CYYR1: variants seen among roughly 807,000 people sequenced by gnomAD.
CYYR1 encodes the protein cysteine and tyrosine-rich protein 1.
In CYYR1, 14 loss-of-function variants were observed where a neutral mutation model predicts 15.2. That is an observed-to-expected ratio of 0.92 (90% CI 0.61 to 1.44). The LOEUF (loss-of-function observed/expected upper bound fraction) is 1.44. CYYR1 is among the 40% of genes most tolerant of loss of function. The pLI, the probability that CYYR1 is intolerant of heterozygous loss-of-function variation, is 0.00. For synonymous variants in CYYR1, 80 were observed against 77.4 expected, an observed-to-expected ratio of 1.03 and a Z score of -0.18; for missense variants, 228 against 209.5, an observed-to-expected ratio of 1.09 and a Z score of -0.54.
At chr21:26,501,629 T>C (rs919619620) in intron 2 of CYYR1, among the ~76,000 whole-genome samples, 17 of 152,172 alleles carry the variant, frequency 1.1e-4, no homozygotes, top group African/African-American at 3.4e-4. Context: ...GACCTTCTTT[T>C]CCCCCTTGGT....
chr21:26,482,077 T>C (rs1255334875), intron 2 of CYYR1, among the ~76,000 whole-genome samples: 10 of 152,082 alleles, frequency 6.6e-5, no homozygotes, highest in Admixed American at 3.9e-4. Context: ...CATTATTTTA[T>C]ATTTTTTGTT....
chr21:26,543,798 C>G (rs1017885641), intron 2 of CYYR1, among the ~76,000 whole-genome samples: 13 of 152,006 alleles, frequency 8.6e-5, no homozygotes, highest in Non-Finnish European at 1.6e-4. Context: ...CCCAGCTACT[C>G]AGGAGGCTGA....
At chr21:26,536,632 GA>G (rs1340782534) in intron 2 of CYYR1, among the ~76,000 whole-genome samples, 11 of 149,394 alleles carry the variant, frequency 7.4e-5, no homozygotes, top group Non-Finnish European at 1.4e-4. Flanking sequence ...TACTTAGGTA[GA>G]AAGAAAATGA....
chr21:26,553,688 T>C (rs1601824781), intron 2 of CYYR1, among the ~76,000 whole-genome samples: 1 of 152,144 alleles, frequency 6.6e-6, no homozygotes, highest in Non-Finnish European at 1.5e-5. Context: ...AGCTGCTTCG[T>C]GCATTCTGTC....
At chr21:26,494,819 TA>T (rs5843238) in intron 2 of CYYR1, among the ~76,000 whole-genome samples, 120,232 of 152,110 alleles carry the variant, frequency 0.79, 48,608 homozygotes, top group Non-Finnish European at 0.88. Context: ...TTTGAATGTT[TA>T]AACTGTATTC....
chr21:26,546,656 T>C (rs1041827976), intron 2 of CYYR1, among the ~76,000 whole-genome samples: 2 of 152,222 alleles, frequency 1.3e-5, no homozygotes, highest in African/African-American at 4.8e-5. Context: ...AAAGAGGTCA[T>C]AGTCTTGAAA....
chr21:26,541,026 C>T (rs1978514652), intron 2 of CYYR1, among the ~76,000 whole-genome samples: 1 of 152,036 alleles, frequency 6.6e-6, no homozygotes, highest in Admixed American at 6.5e-5. Flanking sequence ...ATGGGCTTAA[C>T]AAGATGTTAA....
At chr21:26,571,729 G>T (rs1010439144) in intron 1 of CYYR1, among the ~76,000 whole-genome samples, 1 of 152,086 alleles carries the variant, frequency 6.6e-6, no homozygotes, top group Non-Finnish European at 1.5e-5. Context: ...TTTAATAAAA[G>T]AAATAAATGT....
chr21:26,536,935 C>T (rs978140305), intron 2 of CYYR1, among the ~76,000 whole-genome samples: 1 of 152,162 alleles, frequency 6.6e-6, no homozygotes, highest in African/African-American at 2.4e-5. Context: ...AGATAGAGAT[C>T]CTGCACTCAT....
In CYYR1 at chr21:26,488,423, T is replaced by C. The variant is rs953765407; in HGVS notation, c.177-7994A>G. Among the ~76,000 whole-genome samples, 4 of 151,894 alleles carry C rather than the reference T, an allele frequency of 2.6e-5. No individual in the cohort carries two copies. In the South Asian group the frequency reaches 8.3e-4, roughly 32 times the overall value. On this transcript the variant is annotated intron_variant, in intron 2 of 3. Coordinates refer to ENST00000652641, the MANE Select transcript of CYYR1 (RefSeq NM_001320768.2). ...GCACACGTCACCATTACCAGCTAAT[T>C]TTGTAATTTTTGTAGAGACAGGATT...
intron 1 of CYYR1, among the ~76,000 whole-genome samples, chr21:26,569,976 A>C (rs1980906439): frequency 6.6e-6 from 1 of 152,180 alleles, no homozygotes; most frequent in South Asian, 2.1e-4. Flanking sequence ...CCCAGAATTA[A>C]ACTACCCAAA....
At chr21:26,507,094 A>G (rs1007883165) in intron 2 of CYYR1, among the ~76,000 whole-genome samples, 8 of 152,310 alleles carry the variant, frequency 5.3e-5, no homozygotes, top group Admixed American at 4.6e-4. Flanking sequence ...AGTATGCTCA[A>G]GGGTTCATTT....
chr21:26,516,525 C>A (rs2065729070), intron 2 of CYYR1, among the ~76,000 whole-genome samples: 1 of 152,146 alleles, frequency 6.6e-6, no homozygotes, highest in African/African-American at 2.4e-5. Flanking sequence ...CTGAACGATT[C>A]TGTTACATGA....
chr21:26,520,887 A>G (rs956329312), intron 2 of CYYR1, among the ~76,000 whole-genome samples: 8 of 152,228 alleles, frequency 5.3e-5, no homozygotes, highest in African/African-American at 1.9e-4. Context: ...TTGCAGGGAC[A>G]TGGATCGACC....
chr21:26,526,474 G>A (rs554633171), intron 2 of CYYR1, among the ~76,000 whole-genome samples: 182 of 151,504 alleles, frequency 1.2e-3, no homozygotes, highest in African/African-American at 4.2e-3. Context: ...CAACAAAAAA[G>A]TTAAAAAAAA....
At chr21:26,558,464 T>C (rs1456846782) in intron 2 of CYYR1, among the ~76,000 whole-genome samples, 1 of 152,150 alleles carries the variant, frequency 6.6e-6, no homozygotes, top group Non-Finnish European at 1.5e-5. Context: ...TGAATGCAGA[T>C]GCAATCCACC....
chr21:26,471,025 C>A (rs1347368412), intron 3 of CYYR1: 1 of 152,150 alleles, frequency 6.6e-6, no homozygotes, highest in African/African-American at 2.4e-5. Context: ...TCCCTCAGAC[C>A]CTTGGAGGCT....
At chr21:26,537,407 G>A (rs1056242790) in intron 2 of CYYR1, among the ~76,000 whole-genome samples, 1 of 152,088 alleles carries the variant, frequency 6.6e-6, no homozygotes, top group Non-Finnish European at 1.5e-5. Flanking sequence ...GGCTTTTATT[G>A]CAATACTAAA....
chr21:26,495,706 G>C (rs973390248), intron 2 of CYYR1, among the ~76,000 whole-genome samples: 1 of 152,202 alleles, frequency 6.6e-6, no homozygotes, highest in African/African-American at 2.4e-5. Flanking sequence ...CTGTTGACGT[G>C]ATCAAGAAAT....
Sources: gnomAD v4.1 joint callset for allele counts (sites outside exome capture counted in the v4.1 genomes callset) on GRCh38, gnomAD v4.1.1 for gene constraint, MANE v1.5 for transcripts, NCBI Gene and HGNC (gene_info 2026-07-23, HGNC 2026-07-21) for gene names.